Variants in LPAR3 observed in about 807,000 individuals in gnomAD.
The protein encoded by LPAR3 is lysophosphatidic acid receptor 3.
A neutral mutation model predicts 17.8 loss-of-function variants in LPAR3; 7 were observed. The ratio of observed to expected loss-of-function variants is 0.39; its 90% confidence interval spans 0.22 to 0.74. LPAR3 has a LOEUF of 0.74. Ranked by LOEUF, LPAR3 falls within the 30% of genes least tolerant of loss-of-function variation. The pLI is 0.40. For missense variants in LPAR3, 391 were observed against 453.4 expected (o/e 0.86, Z 1.25); for synonymous variants, 179 against 179.9 (o/e 0.99, Z 0.04).
chr1:84,822,499 C>T (rs1199190418), intron 2 of LPAR3, among the ~76,000 whole-genome samples: 2 of 152,024 alleles, frequency 1.3e-5, no homozygotes, highest in South Asian at 2.1e-4. Flanking sequence ...TGGTGACAAG[C>T]GAAGTAAAAG....
At chr1:84,841,614 T>C (rs1458923224) in intron 2 of LPAR3, among the ~76,000 whole-genome samples, 1 of 152,206 alleles carries the variant, frequency 6.6e-6, no homozygotes, top group Non-Finnish European at 1.5e-5. Context: ...AATAGACATC[T>C]ACAAGTCAAA....
chr1:84,863,567 C>A (rs534471861), intron 2 of LPAR3, among the ~76,000 whole-genome samples: 85 of 152,292 alleles, frequency 5.6e-4, no homozygotes, highest in African/African-American at 1.9e-3. Flanking sequence ...GCCTGCCCTA[C>A]GGCTCCATCC....
At chr1:84,863,147 C>T (rs993408158) in intron 2 of LPAR3, among the ~76,000 whole-genome samples, 2 of 151,662 alleles carry the variant, frequency 1.3e-5, no homozygotes, top group South Asian at 2.1e-4. Flanking sequence ...GTGATCACAG[C>T]TCACTCAACC....
At chr1:84,814,255 T>C (rs927086383) in intron 2 of LPAR3, 84 bp from the exon 3 acceptor site, 63 of 1,142,770 alleles carry the variant, frequency 5.5e-5, no homozygotes, top group Non-Finnish European at 1.4e-5. Flanking sequence ...CTTTAGCCAG[T>C]GGCATCAAGG....
intron 2 of LPAR3, among the ~76,000 whole-genome samples, chr1:84,814,669 C>CA (rs1453738347): frequency 6.6e-6 from 1 of 152,214 alleles, no homozygotes; most frequent in East Asian, 1.9e-4. Context: ...AAATAAGACA[C>CA]AATGAGTCTA....
chr1:84,873,297 G>A (rs1399413378), intron 1 of LPAR3, among the ~76,000 whole-genome samples: 1 of 152,222 alleles, frequency 6.6e-6, no homozygotes, highest in African/African-American at 2.4e-5. Flanking sequence ...GGGATACTGT[G>A]TGTGGGAGGG....
chr1:84,827,012 A>C (rs1412782118), intron 2 of LPAR3, among the ~76,000 whole-genome samples: 1 of 152,180 alleles, frequency 6.6e-6, no homozygotes, highest in Non-Finnish European at 1.5e-5. Flanking sequence ...TTCCCAATTA[A>C]TCTTTTAATG....
chr1:84,880,588 C>G (rs1307112004), intron 1 of LPAR3, among the ~76,000 whole-genome samples: 1 of 152,142 alleles, frequency 6.6e-6, no homozygotes, highest in Non-Finnish European at 1.5e-5. Context: ...AGAGTACACA[C>G]TACTGAAGAG....
chr1:84,844,912 G>C (rs1360975376), intron 2 of LPAR3, among the ~76,000 whole-genome samples: 3 of 152,060 alleles, frequency 2.0e-5, no homozygotes, highest in Admixed American at 6.6e-5. Flanking sequence ...GAACTAAGGG[G>C]GACTTCCACT....
At chr1:84,874,884 G>T (rs1396436861) in intron 1 of LPAR3, among the ~76,000 whole-genome samples, 1 of 149,482 alleles carries the variant, frequency 6.7e-6, no homozygotes, top group African/African-American at 2.5e-5. Context: ...CTGTTTGAAG[G>T]GGTTGAGAAT....
chr1:84,862,943 A>G (rs1323103511), intron 2 of LPAR3, among the ~76,000 whole-genome samples: 1 of 152,228 alleles, frequency 6.6e-6, no homozygotes, highest in Non-Finnish European at 1.5e-5. Context: ...TGTAACCCAG[A>G]ATTAGAACTG....
intron 2 of LPAR3, among the ~76,000 whole-genome samples, chr1:84,820,204 G>A (rs998839897): frequency 2.6e-5 from 4 of 152,204 alleles, no homozygotes; most frequent in African/African-American, 9.6e-5. Context: ...TGAGCATTGA[G>A]CTATACTAGA....
At chr1:84,880,520 A>G (rs1177053330) in intron 1 of LPAR3, among the ~76,000 whole-genome samples, 2 of 152,240 alleles carry the variant, frequency 1.3e-5, no homozygotes, top group African/African-American at 4.8e-5. Context: ...GCAGGTCTGT[A>G]GTAATGATCA....
intron 2 of LPAR3, among the ~76,000 whole-genome samples, chr1:84,838,112 G>A (rs1204521677): frequency 1.3e-5 from 2 of 152,144 alleles, no homozygotes; most frequent in African/African-American, 4.8e-5. Flanking sequence ...GGAGATACAA[G>A]CTGTACTCAC....
chr1:84,889,728 G>A (rs1175742114), intron 1 of LPAR3, among the ~76,000 whole-genome samples: 1 of 152,144 alleles, frequency 6.6e-6, no homozygotes, highest in Admixed American at 6.5e-5. Flanking sequence ...CTCAAAACAT[G>A]CTTGTGGAGA....
Position 84,866,017 on chromosome 1 carries a change from C to T in LPAR3, c.104G>A (p.Cys35Tyr), listed in dbSNP as rs757610904. ...AAACAGGCAGAAAAACGTCCCAACA[C>T]ACAAAACAATCACAAGCTTTGTTCC... is the stretch of plus-strand genomic sequence containing the variant. ...WTGTKLVIVL[C>Y]VGTFFCLFIF... Residue 35 changes from cysteine to tyrosine, a missense_variant, in exon 2 of 3, where the codon TGT becomes TAT. By Grantham distance (194) the Cys-to-Tyr change is radical. Coordinates refer to ENST00000370611, the MANE Select transcript of LPAR3 (RefSeq NM_012152.3). The T allele has an allele frequency of 2.5e-6, 4 of 1,614,170 alleles. No individual in the cohort carries two copies. In the South Asian group the frequency reaches 3.3e-5, roughly 13 times the overall value.
chr1:84,814,192 G>T (rs1272571152), intron 2 of LPAR3, 21 bp from the exon 3 acceptor site: 1 of 1,599,744 alleles, frequency 6.3e-7, no homozygotes, highest in Non-Finnish European at 8.6e-7. Flanking sequence ...AGAAGAGGAG[G>T]CAACAGATGC....
At chr1:84,880,119 C>T (rs565277354) in intron 1 of LPAR3, among the ~76,000 whole-genome samples, 8 of 152,076 alleles carry the variant, frequency 5.3e-5, no homozygotes, top group African/African-American at 1.2e-4. Flanking sequence ...TGCCTGAGGT[C>T]GGGAGTTCGA....
At chr1:84,848,310 C>T (rs1007584790) in intron 2 of LPAR3, among the ~76,000 whole-genome samples, 3 of 152,314 alleles carry the variant, frequency 2.0e-5, no homozygotes, top group Admixed American at 1.3e-4. Context: ...CCAGAATGCC[C>T]CTGCTGGGCC....
Sources: allele counts gnomAD v4.1 joint callset (sites outside exome capture counted in the v4.1 genomes callset), GRCh38; gene constraint gnomAD v4.1.1; transcripts MANE v1.5; gene names NCBI Gene and HGNC (gene_info 2026-07-23, HGNC 2026-07-21).